Variants in ETFA observed in about 807,000 individuals in gnomAD.
ETFA encodes the protein electron transfer flavoprotein subunit alpha, also known as electron transfer flavoprotein subunit alpha, mitochondrial.
A neutral mutation model predicts 46.2 loss-of-function variants in ETFA; 22 were observed. The ratio of observed to expected loss-of-function variants is 0.48; its 90% CI spans 0.34 to 0.68. The LOEUF is 0.68. Among genes scored for constraint, ETFA ranks in the 30% least tolerant of loss-of-function variants. ETFA has a pLI of 0.01. For missense variants in ETFA, 345 were observed against 401.1 expected (o/e 0.86, Z 1.19); for synonymous variants, 131 against 139.9 (o/e 0.94, Z 0.45).
At chr15:76,243,681 C>A (rs1374714529) in intron 9 of ETFA, among the ~76,000 whole-genome samples, 3 of 151,846 alleles carry the variant, frequency 2.0e-5, no homozygotes, top group Non-Finnish European at 4.4e-5. Context: ...CACCTGCAAT[C>A]CCAGCTACTA....
chr15:76,257,353 G>A (rs1339744527), intron 9 of ETFA, among the ~76,000 whole-genome samples: 1 of 152,200 alleles, frequency 6.6e-6, no homozygotes, highest in African/African-American at 2.4e-5. Context: ...ATTTTGAGAA[G>A]TGTCTGTTCG....
At chr15:76,295,787 T>TG in intron 1 of ETFA, 50 bp from the exon 2 acceptor site, 5 of 327,540 alleles carry the variant, frequency 1.5e-5, no homozygotes, top group Non-Finnish European at 2.1e-5. Context: ...TGTCACAGGG[T>TG]TTTTTTTTTT....
intron 9 of ETFA, among the ~76,000 whole-genome samples, chr15:76,267,404 C>T (rs1048666190): frequency 2.6e-5 from 4 of 152,180 alleles, no homozygotes; most frequent in African/African-American, 7.2e-5. Context: ...TATATTAATT[C>T]GCAAGAATGG....
At chr15:76,231,441 T>C (rs1246172408) in intron 9 of ETFA, 43 bp from the exon 10 acceptor site, 2 of 1,215,352 alleles carry the variant, frequency 1.6e-6, no homozygotes, top group Non-Finnish European at 1.2e-6. Context: ...ATTTATATTA[T>C]ATAATACTTT....
intron 9 of ETFA, among the ~76,000 whole-genome samples, chr15:76,272,312 C>T (rs944360310): frequency 4.6e-5 from 7 of 151,856 alleles, no homozygotes; most frequent in African/African-American, 1.7e-4. Flanking sequence ...CCTCCGCCTC[C>T]TGGGTTCAAA....
intron 1 of ETFA, among the ~76,000 whole-genome samples, chr15:76,305,118 C>A (rs930851776): frequency 6.6e-6 from 1 of 152,142 alleles, no homozygotes; most frequent in Non-Finnish European, 1.5e-5. Context: ...TAGTTTAAGG[C>A]ACCTCAGTGT....
chr15:76,252,876 T>TACACACACACACACACACACACAC (rs34804508), intron 9 of ETFA, among the ~76,000 whole-genome samples: 1 of 147,492 alleles, frequency 6.8e-6, no homozygotes, highest in African/African-American at 2.5e-5. Flanking sequence ...TGTATGTGTA[T>TACACACACACACACACACACACAC]ACACACACAC....
intron 9 of ETFA, among the ~76,000 whole-genome samples, chr15:76,263,316 A>AC (rs1344119581): frequency 2.0e-5 from 3 of 151,954 alleles, no homozygotes; most frequent in Admixed American, 6.6e-5. Flanking sequence ...GGGTCTGATC[A>AC]CCCCAATATT....
intron 9 of ETFA, chr15:76,260,862 G>C (rs1257942411): frequency 1.2e-6 from 2 of 1,611,828 alleles, no homozygotes; most frequent in African/African-American, 1.3e-5. Context: ...GAGCAGGCAG[G>C]TAAAGGGGGG....
chr15:76,274,273 A>G (rs1380245556), intron 9 of ETFA, 139 bp downstream of exon 9: 10 of 727,074 alleles, frequency 1.4e-5, no homozygotes, highest in Non-Finnish European at 2.5e-5. Flanking sequence ...GACCTTGTGA[A>G]AATGACATAT....
chr15:76,245,331 C>T (rs1213292646), intron 9 of ETFA: 1 of 152,198 alleles, frequency 6.6e-6, no homozygotes, highest in Admixed American at 6.5e-5. Flanking sequence ...TCTATACCAA[C>T]CCCAAAGGAA....
At chr15:76,311,240 G>A in intron 1 of ETFA, 110 bp downstream of exon 1, 2 of 1,308,114 alleles carry the variant, frequency 1.5e-6, no homozygotes, top group Non-Finnish European at 2.1e-6. Flanking sequence ...CGGCCTGCGG[G>A]CGCGAGGGCT....
chr15:76,221,514 C>G (rs2038956323), intron 11 of ETFA, among the ~76,000 whole-genome samples: 2 of 152,148 alleles, frequency 1.3e-5, no homozygotes, highest in South Asian at 4.1e-4. Context: ...TATACTAAAA[C>G]AAACAAAAAA....
chr15:76,216,914 T>C (rs1337982777), intron 11 of ETFA, among the ~76,000 whole-genome samples: 1 of 144,404 alleles, frequency 6.9e-6, no homozygotes, highest in African/African-American at 2.6e-5. Context: ...GGTACAATTA[T>C]GGCTCACTGC....
At chr15:76,233,903 C>T (rs1294982361) in intron 9 of ETFA, among the ~76,000 whole-genome samples, 1 of 152,162 alleles carries the variant, frequency 6.6e-6, no homozygotes, top group Non-Finnish European at 1.5e-5. Flanking sequence ...TTAAAAGCTC[C>T]ATGTGCATTA....
intron 9 of ETFA, among the ~76,000 whole-genome samples, chr15:76,268,586 C>G (rs897108334): frequency 2.6e-5 from 4 of 152,218 alleles, no homozygotes; most frequent in Admixed American, 2.0e-4. Context: ...CCTCTCTACC[C>G]TTCTACCCTA....
Position 76,226,706 on chromosome 15 carries a change from G to A in ETFA, c.883-777C>T, listed in dbSNP as rs188743956. ...ATCCTGGCTAACACGGTGAAACCCC[G>A]TCTCTACTAAAAAACACAAAAAATT... On this transcript the variant is annotated intron_variant, in intron 10 of 11. Coordinates refer to ENST00000557943, the MANE Select transcript of ETFA (RefSeq NM_000126.4). 5.6e-3 allele frequency among the ~76,000 whole-genome samples: 855 copies of A among 152,092 alleles called. 16 individuals carry two copies. The highest frequency in any genetic ancestry group is 0.02 in the African/African-American group (817 of 41,478).
intron 1 of ETFA, 112 bp downstream of exon 1, chr15:76,311,238 G>C (rs1256445533): frequency 7.7e-7 from 1 of 1,294,108 alleles, no homozygotes; most frequent in African/African-American, 1.5e-5. Context: ...ACCGGCCTGC[G>C]GGCGCGAGGG....
chr15:76,283,788 T>A lies in ETFA; in HGVS notation c.702A>T (p.Leu234Phe), dbSNP rs775620228. ...GLKSGENFKL[L>F]YDLADQLHAA... ...CATGTAGTTGATCTGCCAAGTCATATAACAACTTAAAGTTCTCTCCACTCT... is the reference window on the plus strand; with the variant it reads ...CATGTAGTTGATCTGCCAAGTCATAAAACAACTTAAAGTTCTCTCCACTCT... The change falls in exon 8 of 12, where the codon TTA (leucine) becomes TTT (phenylalanine). Residue 234 changes from leucine to phenylalanine, a missense_variant. Leu to Phe is a conservative substitution (Grantham distance 22). Coordinates refer to ENST00000557943, the MANE Select transcript of ETFA (RefSeq NM_000126.4). 6.2e-7 allele frequency: 1 copy of A among 1,612,368 alleles called. No individual in the cohort carries two copies. Among genetic ancestry groups the A allele is most frequent in the South Asian group, 1.1e-5 (1 of 91,006 alleles).
Sources: allele counts gnomAD v4.1 joint callset (sites outside exome capture counted in the v4.1 genomes callset), GRCh38; gene constraint gnomAD v4.1.1; transcripts MANE v1.5; gene names NCBI Gene and HGNC (gene_info 2026-07-23, HGNC 2026-07-21).